The following SGK3 variants were observed in gnomAD, a reference collection of about 807,000 sequenced individuals.
SGK3 encodes serum/glucocorticoid regulated kinase family member 3.
Under a neutral mutation model 68.5 loss-of-function variants are expected in SGK3, and 47 were observed. That is an observed-to-expected ratio of 0.69 (90% CI 0.54 to 0.87). SGK3 has a LOEUF of 0.87. Ranked by LOEUF, SGK3 falls within the 40% of genes least tolerant of loss-of-function variation. The pLI is 0.00. For missense variants in SGK3, 479 were observed against 575.5 expected (o/e 0.83, Z 1.72); for synonymous variants, 181 against 189.1 (o/e 0.96, Z 0.35).
chr8:66,725,739 TG>T (rs1462361325), intron 1 of SGK3, among the ~76,000 whole-genome samples: 1 of 152,102 alleles, frequency 6.6e-6, no homozygotes, highest in Non-Finnish European at 1.5e-5. Flanking sequence ...TCTCAAATGC[TG>T]TGACTAAGAT....
intron 1 of SGK3, among the ~76,000 whole-genome samples, chr8:66,764,930 A>G (rs1374383369): frequency 6.6e-6 from 1 of 152,220 alleles, no homozygotes; most frequent in South Asian, 2.1e-4. Flanking sequence ...CATTGAATGT[A>G]TATACCACAG....
intron 1 of SGK3, among the ~76,000 whole-genome samples, chr8:66,763,851 C>T (rs1223147856): frequency 6.6e-6 from 1 of 151,904 alleles, no homozygotes; most frequent in Admixed American, 6.6e-5. Context: ...TAATTTTCTT[C>T]CTTTTTAAAA....
chr8:66,718,700 G>A (rs1261407702), intron 1 of SGK3, among the ~76,000 whole-genome samples: 1 of 151,696 alleles, frequency 6.6e-6, no homozygotes, highest in Non-Finnish European at 1.5e-5. Flanking sequence ...AGCTAATTTT[G>A]TATTTTTAGT....
chr8:66,858,254 A>AG (rs1010155832), intron 16 of SGK3, among the ~76,000 whole-genome samples: 14 of 151,998 alleles, frequency 9.2e-5, no homozygotes, highest in African/African-American at 3.4e-4. Context: ...TCACGAGGTC[A>AG]GGAGATCAAG....
At chr8:66,731,569 C>T (rs1181085188) in intron 1 of SGK3, among the ~76,000 whole-genome samples, 1 of 152,040 alleles carries the variant, frequency 6.6e-6, no homozygotes. Context: ...GAGTCTTGCT[C>T]TGTTGCCCAG....
At chr8:66,738,925 C>A (rs565634653) in intron 1 of SGK3, among the ~76,000 whole-genome samples, 17 of 152,240 alleles carry the variant, frequency 1.1e-4, no homozygotes, top group Admixed American at 1.1e-3. Context: ...TCACTGCGCC[C>A]AGCCTAGAGT....
At chr8:66,770,089 G>A (rs1000784447) in intron 1 of SGK3, among the ~76,000 whole-genome samples, 2 of 152,122 alleles carry the variant, frequency 1.3e-5, no homozygotes, top group Admixed American at 1.3e-4. Context: ...GAGTAGCTGG[G>A]ACTACAGGCG....
At chr8:66,731,232 T>C (rs1159521967) in intron 1 of SGK3, among the ~76,000 whole-genome samples, 1 of 152,202 alleles carries the variant, frequency 6.6e-6, no homozygotes, top group Non-Finnish European at 1.5e-5. Context: ...TTCATGTGTA[T>C]GTTAGAAGAA....
intron 3 of SGK3, among the ~76,000 whole-genome samples, chr8:66,803,385 A>C (rs1808024150): frequency 6.6e-6 from 1 of 152,092 alleles, no homozygotes. Flanking sequence ...GCTGGAGTGC[A>C]GTGGCGTAAT....
intron 14 of SGK3, among the ~76,000 whole-genome samples, chr8:66,845,666 C>G (rs1809979307): frequency 6.6e-6 from 1 of 151,894 alleles, no homozygotes; most frequent in Non-Finnish European, 1.5e-5. Flanking sequence ...GCTTGGACTA[C>G]AGGCATGCAC....
rs145156278 is a variant in SGK3, at chr8:66,727,838, A to T, written c.-122+15005A>T. The stretch of plus-strand genomic sequence containing the variant: ...TATTCTGTTATAGCAGCACAAATGG[A>T]CTAAGACAGATGGTGAGAAAGACGC... On this transcript the variant is annotated intron_variant, in intron 1 of 16. Transcript: ENST00000521198. Among the ~76,000 whole-genome samples the T allele has an allele frequency of 4.2e-3, 634 of 152,360 alleles. 3 individuals are homozygous for T. Among genetic ancestry groups the T allele is most frequent in the Non-Finnish European group, 7.2e-3 (492 of 68,036 alleles).
intron 16 of SGK3, among the ~76,000 whole-genome samples, chr8:66,857,801 G>GTA: frequency 9.9e-6 from 1 of 101,270 alleles, no homozygotes; most frequent in Non-Finnish European, 1.8e-5. Flanking sequence ...GTGTGTGTAT[G>GTA]TGTGTGTGTG....
chr8:66,838,239 T>C (rs559449615), intron 10 of SGK3, among the ~76,000 whole-genome samples: 6 of 152,184 alleles, frequency 3.9e-5, no homozygotes, highest in Non-Finnish European at 8.8e-5. Context: ...CTAATTTTTG[T>C]ATTTTTAGTA....
At chr8:66,853,211 A>G (rs1810363107) in intron 16 of SGK3, among the ~76,000 whole-genome samples, 1 of 152,240 alleles carries the variant, frequency 6.6e-6, no homozygotes, top group Non-Finnish European at 1.5e-5. Context: ...AAACACAAGT[A>G]GAACATGGGC....
At chr8:66,814,394 A>C (rs1415479054) in intron 5 of SGK3, among the ~76,000 whole-genome samples, 2 of 152,198 alleles carry the variant, frequency 1.3e-5, no homozygotes, top group Non-Finnish European at 2.9e-5. Context: ...ATAGCAGAGA[A>C]AGGTGTAGGC....
chr8:66,851,567 A>G (rs995885551), intron 16 of SGK3, among the ~76,000 whole-genome samples: 2 of 152,070 alleles, frequency 1.3e-5, no homozygotes, highest in African/African-American at 4.8e-5. Flanking sequence ...AACATTATTA[A>G]TAAAATCATA....
Position 66,743,304 on chromosome 8 carries a change from A to C in SGK3, c.-122+30471A>C, listed in dbSNP as rs1805535235. 2.0e-5 allele frequency among the ~76,000 whole-genome samples: 3 copies of C among 152,198 alleles called. No individual in the cohort carries two copies. The South Asian group carries it at 6.2e-4, about 31-fold the overall frequency. ...TTGCACTTCTGGCTCACCATGTAAA[A>C]TGCTTCTGGCTTATAATGTAAAATG... On this transcript the variant is annotated intron_variant, in intron 1 of 16. Transcript: ENST00000521198.
chr8:66,834,812 C>T lies in SGK3; in HGVS notation c.526-951C>T, dbSNP rs182440599. 1.2e-3 allele frequency among the ~76,000 whole-genome samples: 179 copies of T among 151,756 alleles called. 1 individual carries two copies. The highest frequency in any genetic ancestry group is 4.1e-3 in the African/African-American group (169 of 41,418). On this transcript the variant is annotated intron_variant, in intron 8 of 16. Transcript: ENST00000521198. ...TAAATTAGCCCCGTGTGGTGGTGGG[C>T]GCCTGTAGTCCCAGCTACTCGGGAG...
At chr8:66,852,202 T>C (rs1350277197) in intron 16 of SGK3, among the ~76,000 whole-genome samples, 1 of 151,940 alleles carries the variant, frequency 6.6e-6, no homozygotes, top group African/African-American at 2.4e-5. Context: ...AAGACTGATT[T>C]GGAGTTTTAA....
Sources: allele counts gnomAD v4.1 joint callset (sites outside exome capture counted in the v4.1 genomes callset), GRCh38; gene constraint gnomAD v4.1.1; transcripts MANE v1.5; gene names NCBI Gene and HGNC (gene_info 2026-07-23, HGNC 2026-07-21).